The following MROH6 variants were observed in gnomAD, a reference collection of about 807,000 sequenced individuals.
MROH6 encodes maestro heat-like repeat-containing protein family member 6.
Under a neutral mutation model 67.7 loss-of-function variants are expected in MROH6, and 62 were observed. The ratio of observed to expected loss-of-function variants is 0.92; its 90% CI spans 0.75 to 1.13. MROH6 has a LOEUF of 1.13. Among genes scored for constraint, MROH6 ranks in the 50% most tolerant of loss-of-function variants. MROH6 has a pLI of 0.00. For synonymous variants in MROH6, 566 were observed against 470.8 expected (o/e 1.20, Z -2.62); for missense variants, 1,175 against 1,029.1 (o/e 1.14, Z -1.94).
At chr8:143,572,281 T>C in intron 1 of MROH6, 96 bp from the exon 2 acceptor site, 3 of 1,548,826 alleles carry the variant, frequency 1.9e-6, no homozygotes. Context: ...ACAAAATCCC[T>C]TGCTCCTCTG....
At position 143,572,619 on chromosome 8, in the gene MROH6, C is replaced by T. The variant is rs1824125512; in HGVS notation, c.96G>A (p.Gln32=). The T allele has an allele frequency of 6.3e-7, 1 of 1,590,248 alleles. No homozygotes were observed. Among genetic ancestry groups the T allele is most frequent in the South Asian group, 1.1e-5 (1 of 88,696 alleles). The change falls in exon 1 of 14, where the codon CAG becomes CAA. Residue 32 remains glutamine, a synonymous_variant. Transcript: ENST00000398882. ...TALTEGIRAR[Q]GQPQGPPSAG... Reference sequence around the variant, plus strand: ...CGGAAGGGGGTCCCTGGGGCTGCCCCTGCCTGGCCCGGATTCCTTCAGTCA... The same window carrying T: ...CGGAAGGGGGTCCCTGGGGCTGCCCTTGCCTGGCCCGGATTCCTTCAGTCA...
Position 143,572,621 on chromosome 8 carries a change from G to A in MROH6, c.94C>T (p.Gln32Ter). ...TALTEGIRARQGQPQGPPSAG... is the reference protein window; with the variant it reads ...TALTEGIRAR Reference sequence around the variant, plus strand: ...GAAGGGGGTCCCTGGGGCTGCCCCTGCCTGGCCCGGATTCCTTCAGTCAGT... The same window carrying A: ...GAAGGGGGTCCCTGGGGCTGCCCCTACCTGGCCCGGATTCCTTCAGTCAGT... Residue 32 changes from glutamine to a stop codon, truncating the protein, a stop_gained, in exon 1 of 14, where the codon CAG becomes TAG. Coordinates refer to ENST00000398882, the MANE Select transcript of MROH6 (RefSeq NM_001100878.2). LOFTEE classifies it high-confidence loss of function. The A allele has an allele frequency of 3.1e-6, 5 of 1,589,184 alleles. No homozygotes were observed. The highest frequency in any genetic ancestry group is 1.7e-5 in the Admixed American group (1 of 57,908).
chr8:143,572,352 C>A, intron 1 of MROH6, 69 bp downstream of exon 1: 1 of 1,483,654 alleles, frequency 6.7e-7, no homozygotes, highest in Non-Finnish European at 9.0e-7. Flanking sequence ...CCCTGCCACC[C>A]CGCCTTCCAC....
At chr8:143,567,742 C>G in intron 12 of MROH6, 44 bp downstream of exon 12, 1 of 1,570,060 alleles carries the variant, frequency 6.4e-7, no homozygotes, top group Non-Finnish European at 8.6e-7. Context: ...GCCCAGCTCC[C>G]AAAGCCCCGG....
At position 143,568,743 on chromosome 8, in the gene MROH6, G is replaced by A. The variant is rs774795841; in HGVS notation, c.1477-24C>T. 100 of 1,454,062 alleles carry A rather than the reference G, an allele frequency of 6.9e-5. No homozygotes were observed. In the Middle Eastern group the frequency reaches 9.9e-4, roughly 14 times the overall value. The allele number at this position is 1,454,062 out of a possible 1,614,324, so 90.1% of individuals were successfully genotyped here. The stretch of plus-strand genomic sequence containing the variant: ...GTCTGCGTGGGAGGGCGCAGTCAGG[G>A]CAGGCGGAGACAGAGAGGGGCTGCA... On this transcript the variant is annotated intron_variant, in intron 9 of 13. Coordinates refer to ENST00000398882, the MANE Select transcript of MROH6 (RefSeq NM_001100878.2).
At position 143,567,136 on chromosome 8, in the gene MROH6, C is replaced by G; in HGVS notation, c.*103G>C. The G allele has an allele frequency of 3.4e-6, 2 of 581,226 alleles. No individual in the cohort carries two copies. The highest frequency in any genetic ancestry group is 5.0e-6 in the Non-Finnish European group (2 of 403,414). The allele number at this position is 581,226 out of a possible 1,614,324, so 36.0% of individuals were successfully genotyped here. A position where few individuals can be genotyped will look rare whatever the true frequency, so the allele number is the denominator to read the frequency against. On this transcript the variant is annotated 3_prime_UTR_variant, in exon 14 of 14. Coordinates refer to ENST00000398882, the MANE Select transcript of MROH6 (RefSeq NM_001100878.2). ...GGGGGGTGGGGGAGGGCATTGGCGTCCAGCACCAGGCCCAGGGAGCCCCTC... is the reference window on the plus strand; with the variant it reads ...GGGGGGTGGGGGAGGGCATTGGCGTGCAGCACCAGGCCCAGGGAGCCCCTC...
chr8:143,567,291 T>C lies in MROH6; in HGVS notation c.2108A>G (p.Gln703Arg). The C allele has an allele frequency of 8.2e-7, 1 of 1,220,842 alleles. No individual in the cohort carries two copies. Among genetic ancestry groups the C allele is most frequent in the Admixed American group, 4.3e-5 (1 of 23,318 alleles). The allele number at this position is 1,220,842 out of a possible 1,614,324, so 75.6% of individuals were successfully genotyped here. The change falls in exon 14 of 14, where the codon CAG (glutamine) becomes CGG (arginine). Residue 703 changes from glutamine to arginine, a missense_variant. By Grantham distance (43) the Gln-to-Arg change is conservative. Transcript: ENST00000398882. The part of the protein sequence containing the change: ...PPPVFADSPF[Q>R]RRSVAGRWGC... ...CCAGCGGCCCGCGACGCTCCGGCGC[T>C]GGAAGGGGCTGTCGGCGAAGACTGG...
chr8:143,571,830 GA>G lies in MROH6; in HGVS notation c.448-10del, dbSNP rs1332123291. ...CGCACCAGAGCATGCACCTGGTGGG[GA>G]AGGGGGCAGACTTCAGCAGTCAGGC... On this transcript the variant is annotated splice_polypyrimidine_tract_variant and intron_variant, in intron 2 of 13. Coordinates refer to ENST00000398882, the MANE Select transcript of MROH6 (RefSeq NM_001100878.2). The G allele has an allele frequency of 1.9e-6, 3 of 1,538,468 alleles. No homozygotes were observed. Among genetic ancestry groups the G allele is most frequent in the East Asian group, 4.9e-5 (2 of 40,990 alleles).
chr8:143,567,104 C>CGGGGGTG lies in MROH6; in HGVS notation c.*128_*134dup, dbSNP rs1823651511. ...GTGGTGGGTGCCTGAAGAGGGGTCACGGGGGTGGGGGGTGGGGGAGGGCAT... is the reference window on the plus strand; with the variant it reads ...GTGGTGGGTGCCTGAAGAGGGGTCACGGGGGTGGGGGGTGGGGGGTGGGGGAGGGCAT... On this transcript the variant is annotated 3_prime_UTR_variant, in exon 14 of 14. Coordinates refer to ENST00000398882, the MANE Select transcript of MROH6 (RefSeq NM_001100878.2). The CGGGGGTG allele has an allele frequency of 7.6e-6, 2 of 263,724 alleles. No individual in the cohort carries two copies. Among genetic ancestry groups the CGGGGGTG allele is most frequent in the African/African-American group, 1.5e-4 (1 of 6,680 alleles). 16.3% of individuals were successfully genotyped at this position (263,724 alleles called of 1,614,324 possible).
chr8:143,567,298 G>A lies in MROH6; in HGVS notation c.2101C>T (p.Pro701Ser). Residue 701 changes from proline to serine, a missense_variant, in exon 14 of 14, where the codon CCC (proline) becomes TCC (serine). Coordinates refer to ENST00000398882, the MANE Select transcript of MROH6 (RefSeq NM_001100878.2). ...CCCGCGACGCTCCGGCGCTGGAAGG[G>A]GCTGTCGGCGAAGACTGGTGGGGGC... ...ARPPPVFADS[P>S]FQRRSVAGRW... 8.2e-7 allele frequency: 1 copy of A among 1,221,866 alleles called. No individual in the cohort carries two copies. The highest frequency in any genetic ancestry group is 1.0e-6 in the Non-Finnish European group (1 of 981,508). The allele number at this position is 1,221,866 out of a possible 1,614,324, so 75.7% of individuals were successfully genotyped here.
rs551273130 is a variant in MROH6 at position 143,571,785 on chromosome 8, G to A, written c.484C>T (p.Pro162Ser). The change falls in exon 3 of 14, where the codon CCC becomes TCC. Residue 162 changes from proline to serine, a missense_variant. Physicochemically the swap from Pro to Ser is moderately conservative, Grantham distance 74 (BLOSUM62 -1). Coordinates refer to ENST00000398882, the MANE Select transcript of MROH6 (RefSeq NM_001100878.2). ...CAGGGCCTCCCCTCCGCTAGGCTGG[G>A]CACCTGCGCCAGCAGCCCACGCACC... Reference protein sequence around the residue: ...ALVRGLLAQVPSLAEGRPWRA... With the variant: ...ALVRGLLAQVSSLAEGRPWRA... The A allele has an allele frequency of 6.5e-7, 1 of 1,547,766 alleles. No individual in the cohort carries two copies. Among genetic ancestry groups the A allele is most frequent in the Non-Finnish European group, 8.7e-7 (1 of 1,147,976 alleles).
chr8:143,568,833 G>T, intron 9 of MROH6, 114 bp from the exon 10 acceptor site: 1 of 771,188 alleles, frequency 1.3e-6, no homozygotes, highest in South Asian at 1.9e-5. Context: ...CTGCTGACTC[G>T]GTGTGATCTG....
chr8:143,570,447 C>T (rs1204550099), intron 5 of MROH6, 26 bp downstream of exon 5: 1 of 1,601,974 alleles, frequency 6.2e-7, no homozygotes, highest in Non-Finnish European at 8.5e-7. Context: ...CTGGCCCGCC[C>T]CACGTAACCT....
At chr8:143,568,333 G>A (rs13271361) in intron 10 of MROH6, 72 bp from the exon 11 acceptor site, 707,375 of 1,530,998 alleles carry the variant, frequency 0.46, 166,002 homozygotes, top group South Asian at 0.6. Flanking sequence ...GGGAAGAGGG[G>A]GAGCAAGGGC....
rs1268378861 is a variant in MROH6, at chr8:143,570,876, C to A, written c.720+1G>T. The A allele has an allele frequency of 1.1e-5, 13 of 1,212,690 alleles. No homozygotes were observed. In the East Asian group the frequency reaches 3.8e-4, roughly 35 times the overall value. 75.1% of individuals were successfully genotyped at this position (1,212,690 alleles called of 1,614,324 possible). On this transcript the variant is annotated splice_donor_variant, in intron 4 of 13. Coordinates refer to ENST00000398882, the MANE Select transcript of MROH6 (RefSeq NM_001100878.2). LOFTEE classifies it high-confidence loss of function. ...CCCTGGTAATGGCTGGAGCCACCTA[C>A]CGCCAGTGCCTGGGGCTCCGGCCCC...
At position 143,570,460 on chromosome 8, in the gene MROH6, T is replaced by C; in HGVS notation, c.905+13A>G. ...TGCTGGCCCGCCCCACGTAACCTGG[T>C]GTTGCCTCTCACCTGGCATGGCTAT... On this transcript the variant is annotated intron_variant, in intron 5 of 13. Transcript: ENST00000398882. The C allele has an allele frequency of 6.4e-7, 1 of 1,571,464 alleles. No individual in the cohort carries two copies. The highest frequency in any genetic ancestry group is 1.2e-5 in the South Asian group (1 of 84,898).
chr8:143,569,453 C>T lies in MROH6; in HGVS notation c.1464G>A (p.Pro488=), dbSNP rs745812152. 530 of 1,456,108 alleles carry T rather than the reference C, an allele frequency of 3.6e-4. No homozygotes were observed. Among genetic ancestry groups the T allele is most frequent in the Non-Finnish European group, 4.4e-4 (486 of 1,115,248 alleles). 90.2% of individuals were successfully genotyped at this position (1,456,108 alleles called of 1,614,324 possible). ...GGCGTTTGCTCACGTCGTCCAGTAG[C>T]GGAGGGAGGCGCGGTCCCAGCTCCG... ...LSAELGPRLP[P]LLDDTRDSIR... Residue 488 remains proline, a synonymous_variant, in exon 9 of 14, where the codon CCG becomes CCA. Coordinates refer to ENST00000398882, the MANE Select transcript of MROH6 (RefSeq NM_001100878.2).
rs1303726149 is a variant in MROH6 at position 143,570,905 on chromosome 8, GC to G, written c.691del (p.Ala231LeufsTer78). The G allele has an allele frequency of 6.7e-7, 1 of 1,495,774 alleles. No individual in the cohort carries two copies. Among genetic ancestry groups the G allele is most frequent in the East Asian group, 2.7e-5 (1 of 36,522 alleles). The allele number at this position is 1,495,774 out of a possible 1,614,324, so 92.7% of individuals were successfully genotyped here. A position where few individuals can be genotyped will look rare whatever the true frequency, so the allele number is the denominator to read the frequency against. ...LVQLLWALKG[A>X]SGPEPQALAA... ...CAGTGCCTGGGGCTCCGGCCCCGAA[GC>G]ACCCTTCAGCGCCCACAGCAGTTGC... On this transcript the variant is annotated frameshift_variant, in exon 4 of 14. Transcript: ENST00000398882. LOFTEE classifies it high-confidence loss of function.
Position 143,569,815 on chromosome 8 carries a change from C to G in MROH6, c.1184G>C (p.Arg395Pro), listed in dbSNP as rs772310826. The G allele has an allele frequency of 1.9e-6, 3 of 1,611,628 alleles. No homozygotes were observed. Among genetic ancestry groups the G allele is most frequent in the Non-Finnish European group, 2.5e-6 (3 of 1,179,274 alleles). Residue 395 changes from arginine to proline, a missense_variant, in exon 8 of 14, where the codon CGG (arginine) becomes CCG (proline). Transcript: ENST00000398882. ...TGLLQSRPTA[R>P]LLREEVILER... is the part of the protein sequence containing the mutation. The stretch of plus-strand genomic sequence containing the variant: ...CAGGATGACCTCCTCCCGCAGGAGC[C>G]GTGCGGTGGGCCGGCTCTGCAACAG...
Sources: allele counts gnomAD v4.1 joint callset, GRCh38; gene constraint gnomAD v4.1.1; transcripts MANE v1.5; gene names NCBI Gene and HGNC (gene_info 2026-07-23, HGNC 2026-07-21).